ACOXL: variants seen among roughly 807,000 people sequenced by gnomAD.
ACOXL encodes acyl-coenzyme A oxidase-like protein.
A neutral mutation model predicts 71.9 loss-of-function variants in ACOXL; 70 were observed. The ratio of observed to expected loss-of-function variants is 0.97; its 90% CI spans 0.80 to 1.19. ACOXL has a LOEUF of 1.19. ACOXL is among the 50% of genes most tolerant of loss of function. The pLI is 0.00. For missense variants in ACOXL, 703 were observed against 736.3 expected, an observed-to-expected ratio of 0.95 and a Z score of 0.52; for synonymous variants, 253 against 281.6, an observed-to-expected ratio of 0.90 and a Z score of 1.02.
chr2:111,023,309 A>T (rs943769956), intron 14 of ACOXL, among the ~76,000 whole-genome samples: 22 of 152,210 alleles, frequency 1.4e-4, no homozygotes, highest in African/African-American at 5.1e-4. Flanking sequence ...GTACAAGGGG[A>T]GGAATGTTTT....
rs766612436 is a variant in ACOXL, at chr2:111,049,202, A to C, written c.1370-16A>C. The C allele has an allele frequency of 6.3e-7, 1 of 1,598,118 alleles. No homozygotes were observed. Among genetic ancestry groups the C allele is most frequent in the South Asian group, 1.1e-5 (1 of 90,690 alleles). The stretch of plus-strand genomic sequence containing the variant: ...GGAAGTGAAGTCATTCACAATTTCC[A>C]TTTCTTCCCTTCCAGTTACCTTAGA... On this transcript the variant is annotated splice_polypyrimidine_tract_variant and intron_variant, in intron 15 of 17. Coordinates refer to ENST00000439055, the MANE Select transcript of ACOXL (RefSeq NM_001142807.4).
chr2:110,740,221 C>G (rs1677348876), intron 1 of ACOXL, among the ~76,000 whole-genome samples: 1 of 152,244 alleles, frequency 6.6e-6, no homozygotes, highest in Admixed American at 6.5e-5. Flanking sequence ...ATGGAAAACG[C>G]TGACCAATAT....
intron 16 of ACOXL, among the ~76,000 whole-genome samples, chr2:111,049,918 C>T (rs2066203005): frequency 6.6e-6 from 1 of 151,706 alleles, no homozygotes; most frequent in African/African-American, 2.4e-5. Context: ...TGTGGAAAAC[C>T]CTGGCAAGCT....
intron 7 of ACOXL, 22 bp downstream of exon 7, chr2:110,799,122 T>A: frequency 6.2e-7 from 1 of 1,607,796 alleles, no homozygotes; most frequent in Non-Finnish European, 8.5e-7. Flanking sequence ...GGTGCCCTTT[T>A]CCTGTGCTCA....
chr2:111,116,194 CAG>C (rs1160315991), intron 17 of ACOXL, among the ~76,000 whole-genome samples: 1 of 152,160 alleles, frequency 6.6e-6, no homozygotes, highest in Non-Finnish European at 1.5e-5. Flanking sequence ...ACAGATTAGT[CAG>C]GGATTTTTCA....
intron 12 of ACOXL, among the ~76,000 whole-genome samples, chr2:110,949,661 T>G (rs2061250816): frequency 1.3e-5 from 2 of 152,184 alleles, no homozygotes; most frequent in Non-Finnish European, 2.9e-5. Flanking sequence ...AAAAAAATCA[T>G]TTTTGACTCC....
intron 11 of ACOXL, among the ~76,000 whole-genome samples, chr2:110,919,458 A>T (rs968551090): frequency 1.6e-4 from 24 of 152,172 alleles, no homozygotes; most frequent in African/African-American, 5.5e-4. Flanking sequence ...CCTAATGTAG[A>T]TGATGGGTTG....
At chr2:111,002,709 T>G (rs1387953769) in intron 14 of ACOXL, among the ~76,000 whole-genome samples, 1 of 152,194 alleles carries the variant, frequency 6.6e-6, no homozygotes, top group Non-Finnish European at 1.5e-5. Flanking sequence ...TCTATCATCT[T>G]CTTTTCATAT....
At chr2:111,003,020 T>C (rs1005129500) in intron 14 of ACOXL, among the ~76,000 whole-genome samples, 1 of 152,212 alleles carries the variant, frequency 6.6e-6, no homozygotes, top group Non-Finnish European at 1.5e-5. Flanking sequence ...TTGTAAAATA[T>C]CTACCTTTAA....
intron 9 of ACOXL, among the ~76,000 whole-genome samples, chr2:110,837,883 G>C (rs982136775): frequency 2.0e-5 from 3 of 152,250 alleles, no homozygotes; most frequent in Non-Finnish European, 4.4e-5. Context: ...AGGGAGGGCA[G>C]CACAAAATCC....
chr2:110,891,037 A>G (rs905411251), intron 10 of ACOXL, among the ~76,000 whole-genome samples: 1 of 148,768 alleles, frequency 6.7e-6, no homozygotes, highest in Non-Finnish European at 1.5e-5. Flanking sequence ...CTTAGCAGCT[A>G]TTATAAATGG....
chr2:110,789,895 G>A (rs533725390), intron 3 of ACOXL, among the ~76,000 whole-genome samples: 1 of 152,368 alleles, frequency 6.6e-6, no homozygotes, highest in African/African-American at 2.4e-5. Flanking sequence ...TATTGCAGCC[G>A]GGGAGCCGGC....
At chr2:110,807,640 G>T (rs886946980) in intron 9 of ACOXL, among the ~76,000 whole-genome samples, 2 of 152,142 alleles carry the variant, frequency 1.3e-5, no homozygotes, top group East Asian at 1.9e-4. Context: ...GGAAGACCCC[G>T]CACAGAGCCA....
intron 16 of ACOXL, among the ~76,000 whole-genome samples, chr2:111,056,368 A>G (rs933480836): frequency 3.3e-5 from 5 of 152,164 alleles, no homozygotes; most frequent in African/African-American, 9.7e-5. Context: ...GCCTATGTCA[A>G]GTATTCTGCA....
chr2:110,838,489 G>A (rs1384148621), intron 9 of ACOXL, among the ~76,000 whole-genome samples: 2 of 152,150 alleles, frequency 1.3e-5, no homozygotes, highest in Non-Finnish European at 2.9e-5. Flanking sequence ...GGCCTAGGAG[G>A]AAAAGCATCT....
chr2:110,793,305 A>G (rs1177326872), intron 3 of ACOXL, among the ~76,000 whole-genome samples: 1 of 152,172 alleles, frequency 6.6e-6, no homozygotes, highest in Non-Finnish European at 1.5e-5. Context: ...CATTGCACAC[A>G]CACTTTGTTA....
intron 10 of ACOXL, among the ~76,000 whole-genome samples, chr2:110,846,641 G>GCACA (rs61028803): frequency 0.021 from 2,895 of 138,008 alleles, 55 homozygotes; most frequent in East Asian, 0.078. Flanking sequence ...ATGCATACAC[G>GCACA]CACACACACA....
chr2:111,071,723 T>C (rs2067351757), intron 16 of ACOXL, among the ~76,000 whole-genome samples: 1 of 152,234 alleles, frequency 6.6e-6, no homozygotes, highest in Admixed American at 6.5e-5. Flanking sequence ...CTGCTTATTA[T>C]GCAGCTCAGG....
intron 16 of ACOXL, among the ~76,000 whole-genome samples, chr2:111,059,907 A>C (rs1250078938): frequency 1.3e-5 from 2 of 151,808 alleles, no homozygotes; most frequent in African/African-American, 4.8e-5. Context: ...AAAAATGAGG[A>C]GAAGAAAGAG....
Sources: allele counts gnomAD v4.1 joint callset (sites outside exome capture counted in the v4.1 genomes callset), GRCh38; gene constraint gnomAD v4.1.1; transcripts MANE v1.5; gene names NCBI Gene and HGNC (gene_info 2026-07-23, HGNC 2026-07-21).